FLT3: variants seen among roughly 807,000 people sequenced by gnomAD.
The protein encoded by FLT3 is receptor-type tyrosine-protein kinase FLT3.
Under a neutral mutation model 126.6 loss-of-function variants are expected in FLT3, and 46 were observed. The ratio of observed to expected loss-of-function variants is 0.36; its 90% CI spans 0.29 to 0.46. The LOEUF (loss-of-function observed/expected upper bound fraction) is 0.46, where lower values mean the gene tolerates loss of function less well. FLT3 is among the 20% of genes least tolerant of loss of function. The pLI is 1.00. For missense variants in FLT3, 1,069 were observed against 1,190.3 expected (o/e 0.90, Z 1.50); for synonymous variants, 404 against 434.4 (o/e 0.93, Z 0.87).
intron 8 of FLT3, among the ~76,000 whole-genome samples, 195 bp from the exon 9 acceptor site, chr13:28,048,638 T>G (rs911735199): frequency 2.6e-5 from 4 of 152,064 alleles, no homozygotes; most frequent in African/African-American, 9.7e-5. Flanking sequence ...CTCATCATCT[T>G]TCGAAGTTAA....
At chr13:28,058,941 A>G (rs1410532876) in intron 3 of FLT3, among the ~76,000 whole-genome samples, 1 of 152,238 alleles carries the variant, frequency 6.6e-6, no homozygotes, top group Non-Finnish European at 1.5e-5. Context: ...CATGAGTTCA[A>G]GACTAACCTG....
intron 15 of FLT3, among the ~76,000 whole-genome samples, chr13:28,031,317 A>G (rs904736600): frequency 6.6e-6 from 1 of 152,142 alleles, no homozygotes; most frequent in Non-Finnish European, 1.5e-5. Flanking sequence ...GGAGGGGTGG[A>G]GAAAGGAGCA....
chr13:28,070,340 A>C (rs1877390246), intron 2 of FLT3, 151 bp downstream of exon 2: 1 of 604,298 alleles, frequency 1.7e-6, no homozygotes. Context: ...GGGAGCTAGG[A>C]GTATAGATGC....
intron 23 of FLT3, among the ~76,000 whole-genome samples, chr13:28,011,797 T>C (rs1381321369): frequency 1.2e-5 from 1 of 81,912 alleles, no homozygotes; most frequent in African/African-American, 4.7e-5. Context: ...CTTTCTCTTT[T>C]TCTTTCTTTT....
intron 1 of FLT3, among the ~76,000 whole-genome samples, chr13:28,091,673 G>A (rs547793067): frequency 9.9e-5 from 15 of 152,130 alleles, no homozygotes; most frequent in African/African-American, 3.4e-4. Flanking sequence ...AGTGGCTCAC[G>A]CCTGTAATCT....
chr13:28,034,191 T>C lies in FLT3; in HGVS notation c.1728A>G (p.Leu576=). The change falls in exon 14 of 24, where the codon CTA becomes CTG. Residue 576 remains leucine, a synonymous_variant. Coordinates refer to ENST00000241453, the MANE Select transcript of FLT3 (RefSeq NM_004119.3). The part of the protein sequence containing the change: ...YKKQFRYESQ[L]QMVQVTGSSD... ...AGGAGCCGGTCACCTGTACCATCTG[T>C]AGCTGGCTTTCATACCTAAATTGCT... The C allele has an allele frequency of 6.2e-7, 1 of 1,614,054 alleles. No individual in the cohort carries two copies. The highest frequency in any genetic ancestry group is 8.5e-7 in the Non-Finnish European group (1 of 1,179,934).
At chr13:28,088,472 G>T (rs141842937) in intron 1 of FLT3, among the ~76,000 whole-genome samples, 2 of 151,986 alleles carry the variant, frequency 1.3e-5, no homozygotes, top group East Asian at 3.9e-4. Context: ...ATTTTTACTA[G>T]AGACAGGGTT....
chr13:28,084,574 T>C (rs1339320631), intron 1 of FLT3, among the ~76,000 whole-genome samples: 1 of 151,968 alleles, frequency 6.6e-6, no homozygotes, highest in African/African-American at 2.4e-5. Context: ...CCTGGCTAAT[T>C]ATTTTTTTCT....
intron 1 of FLT3, among the ~76,000 whole-genome samples, chr13:28,091,292 G>C (rs1025184347): frequency 8.7e-5 from 11 of 126,526 alleles, no homozygotes; most frequent in Non-Finnish European, 1.6e-4. Context: ...CGCGATCTCG[G>C]CTCACTGCAA....
chr13:28,022,956 T>G (rs1872527288), intron 19 of FLT3, among the ~76,000 whole-genome samples: 1 of 152,242 alleles, frequency 6.6e-6, no homozygotes, highest in Non-Finnish European at 1.5e-5. Context: ...TCAGGGTGGC[T>G]GGCTCGGTTT....
chr13:28,003,698 T>TA lies in FLT3; in HGVS notation c.*353dup, dbSNP rs1162882503. ...TACATATTATTTTAAAACATAGACT[T>TA]AAAAAATCATATTAGCTTCTCCTTA... On this transcript the variant is annotated 3_prime_UTR_variant, in exon 24 of 24. Coordinates refer to ENST00000241453, the MANE Select transcript of FLT3 (RefSeq NM_004119.3). 11 of 266,540 alleles carry TA rather than the reference T, an allele frequency of 4.1e-5. No individual in the cohort carries two copies. Among genetic ancestry groups the TA allele is most frequent in the East Asian group, 3.7e-4 (7 of 19,112 alleles). The allele number at this position is 266,540 out of a possible 1,614,324, so 16.5% of individuals were successfully genotyped here. A position where few individuals can be genotyped will look rare whatever the true frequency, so the allele number is the denominator to read the frequency against.
At chr13:28,049,016 G>T (rs1368616124) in intron 8 of FLT3, among the ~76,000 whole-genome samples, 3 of 152,126 alleles carry the variant, frequency 2.0e-5, no homozygotes, top group African/African-American at 7.2e-5. Flanking sequence ...GCGGTTAGTT[G>T]GTTCTTAGAA....
intron 23 of FLT3, 118 bp from the exon 24 acceptor site, chr13:28,004,292 T>C: frequency 9.2e-7 from 1 of 1,089,954 alleles, no homozygotes. Context: ...AATTACTTTT[T>C]TGTTTGTTTG....
chr13:28,034,465 T>A, intron 12 of FLT3, 58 bp from the exon 13 acceptor site: 2 of 1,221,950 alleles, frequency 1.6e-6, no homozygotes, highest in Non-Finnish European at 2.4e-6. Context: ...ACATTATAAA[T>A]AGTGGACAAC....
At chr13:28,009,123 T>G (rs1871159679) in intron 23 of FLT3, among the ~76,000 whole-genome samples, 1 of 151,394 alleles carries the variant, frequency 6.6e-6, no homozygotes, top group African/African-American at 2.4e-5. Context: ...ACTACAAGCT[T>G]GCACCACCAC....
chr13:28,016,005 C>G lies in FLT3; in HGVS notation c.2542-304G>C, dbSNP rs74041530. Among the ~76,000 whole-genome samples the G allele has an allele frequency of 0.042, 6,418 of 152,164 alleles. 468 individuals carry two copies. Among genetic ancestry groups the G allele is most frequent in the African/African-American group, 0.15 (6,069 of 41,470 alleles). ...TACTTTCCATTAAGGAATAGCCAGTCAGTTGCCTAGGGGTAAGTGGGTACT... is the reference window on the plus strand; with the variant it reads ...TACTTTCCATTAAGGAATAGCCAGTGAGTTGCCTAGGGGTAAGTGGGTACT... On this transcript the variant is annotated intron_variant, in intron 20 of 23. Coordinates refer to ENST00000241453, the MANE Select transcript of FLT3 (RefSeq NM_004119.3).
chr13:28,015,331 G>T, intron 21 of FLT3, 75 bp from the exon 22 acceptor site: 2 of 1,016,840 alleles, frequency 2.0e-6, no homozygotes, highest in Non-Finnish European at 3.1e-6. Context: ...AATTAAACAC[G>T]TATTGAGATC....
chr13:28,086,346 T>G (rs1878670125), intron 1 of FLT3, among the ~76,000 whole-genome samples: 1 of 152,200 alleles, frequency 6.6e-6, no homozygotes, highest in Admixed American at 6.6e-5. Context: ...ACTTCGTATC[T>G]AATACTAGGA....
chr13:28,056,554 G>C (rs9513011), intron 4 of FLT3, among the ~76,000 whole-genome samples: 26,150 of 152,194 alleles, frequency 0.17, 2,456 homozygotes, highest in Middle Eastern at 0.26. Context: ...TGCATAGCAC[G>C]GAGTCTGTGC....
Sources: gnomAD v4.1 joint callset for allele counts (sites outside exome capture counted in the v4.1 genomes callset) on GRCh38, gnomAD v4.1.1 for gene constraint, MANE v1.5 for transcripts, NCBI Gene and HGNC (gene_info 2026-07-23, HGNC 2026-07-21) for gene names.